DYM: variants seen among roughly 807,000 people sequenced by gnomAD.
DYM encodes the protein dymeclin.
Under a neutral mutation model 93.1 loss-of-function variants are expected in DYM, and 78 were observed. The observed-to-expected ratio is 0.84, with a 90% CI of 0.70 to 1.01. The LOEUF is 1.01. DYM is among the 50% of genes least tolerant of loss of function. DYM has a pLI of 0.00. For missense variants in DYM, 789 were observed against 845.0 expected (o/e 0.93, Z 0.82); for synonymous variants, 321 against 319.7 (o/e 1.00, Z -0.04).
intron 15 of DYM, among the ~76,000 whole-genome samples, chr18:49,128,211 A>T (rs141274706): frequency 6.6e-6 from 1 of 152,358 alleles, no homozygotes; most frequent in Non-Finnish European, 1.5e-5. Flanking sequence ...TTATGTTAGC[A>T]GGCCACTTGC....
At chr18:49,229,451 A>T (rs2093635085) in intron 13 of DYM, among the ~76,000 whole-genome samples, 1 of 152,172 alleles carries the variant, frequency 6.6e-6, no homozygotes, top group Admixed American at 6.5e-5. Context: ...ACCCAATATT[A>T]AAAAGGATAA....
intron 15 of DYM, among the ~76,000 whole-genome samples, chr18:49,140,020 C>T (rs1221326769): frequency 6.6e-6 from 1 of 152,108 alleles, no homozygotes; most frequent in East Asian, 1.9e-4. Flanking sequence ...TCTGTACTTA[C>T]GCCCACAGGC....
chr18:49,062,842 T>C (rs991261863), intron 17 of DYM, among the ~76,000 whole-genome samples: 1 of 152,234 alleles, frequency 6.6e-6, no homozygotes, highest in Non-Finnish European at 1.5e-5. Flanking sequence ...TTCTTCCTCA[T>C]CCTGTTTCCT....
intron 14 of DYM, among the ~76,000 whole-genome samples, chr18:49,205,103 G>A (rs1365616265): frequency 6.6e-6 from 1 of 152,140 alleles, no homozygotes; most frequent in Non-Finnish European, 1.5e-5. Context: ...TGGGACTACA[G>A]GCATGTACCA....
At chr18:49,214,609 G>T (rs1244792664) in intron 13 of DYM, among the ~76,000 whole-genome samples, 1 of 151,914 alleles carries the variant, frequency 6.6e-6, no homozygotes, top group Admixed American at 6.6e-5. Context: ...TATGATAAAG[G>T]TGGAAGAGGG....
At chr18:49,332,902 GGTCATTCTGAGT>G (rs1435906457) in intron 7 of DYM, among the ~76,000 whole-genome samples, 2 of 152,086 alleles carry the variant, frequency 1.3e-5, no homozygotes, top group East Asian at 1.9e-4. Context: ...TTCAAACCAC[GGTCATTCTGAGT>G]GTCATTCTGA....
intron 15 of DYM, among the ~76,000 whole-genome samples, chr18:49,147,414 A>G (rs2144635516): frequency 6.6e-6 from 1 of 152,294 alleles, no homozygotes; most frequent in South Asian, 2.1e-4. Context: ...CAGGCAACCT[A>G]GAGAATGGGA....
At chr18:49,407,754 G>A (rs1222762973) in intron 2 of DYM, among the ~76,000 whole-genome samples, 2 of 152,044 alleles carry the variant, frequency 1.3e-5, no homozygotes, top group African/African-American at 2.4e-5. Flanking sequence ...TATCCAAACC[G>A]TATCACTGAC....
chr18:49,142,311 A>G (rs1345978043), intron 15 of DYM, among the ~76,000 whole-genome samples: 4 of 152,116 alleles, frequency 2.6e-5, no homozygotes, highest in Non-Finnish European at 5.9e-5. Flanking sequence ...TAGAATTGAA[A>G]CTCAAAAGGA....
chr18:49,263,584 ACC>A (rs2094523307), intron 11 of DYM, among the ~76,000 whole-genome samples: 2 of 151,732 alleles, frequency 1.3e-5, no homozygotes, highest in South Asian at 4.2e-4. Flanking sequence ...AAAAAAACTA[ACC>A]AGGCTTGGTG....
intron 13 of DYM, among the ~76,000 whole-genome samples, chr18:49,240,536 T>C (rs530401594): frequency 3.9e-5 from 6 of 152,222 alleles, no homozygotes; most frequent in Non-Finnish European, 7.3e-5. Context: ...TTAAAATCCA[T>C]ATTTACTAAC....
rs527793518 is a variant in DYM at position 49,382,389 on chromosome 18, T to C, written c.194-2631A>G. ...ATACTCTTTTGGATAAGATGAAGAT[T>C]AGGGCAATAAGTTAATAAAATTAAA... is the stretch of plus-strand genomic sequence containing the variant. On this transcript the variant is annotated intron_variant, in intron 3 of 17. Transcript: ENST00000675505. Among the ~76,000 whole-genome samples, 4 of 152,308 alleles carry C rather than the reference T, an allele frequency of 2.6e-5. No individual in the cohort carries two copies. In the South Asian group the frequency reaches 8.3e-4, roughly 32 times the overall value.
chr18:49,056,926 A>C (rs1379123470), intron 17 of DYM, among the ~76,000 whole-genome samples: 3 of 152,204 alleles, frequency 2.0e-5, no homozygotes, highest in Admixed American at 1.3e-4. Context: ...TCTGGGGCTC[A>C]AGAGATCTGT....
intron 15 of DYM, among the ~76,000 whole-genome samples, chr18:49,154,464 A>G (rs1915633018): frequency 6.6e-6 from 1 of 152,048 alleles, no homozygotes; most frequent in South Asian, 2.1e-4. Context: ...GCGCAATCTC[A>G]GCTCACTGCA....
At chr18:49,280,595 G>C (rs536059540) in intron 10 of DYM, among the ~76,000 whole-genome samples, 82 of 152,298 alleles carry the variant, frequency 5.4e-4, no homozygotes, top group African/African-American at 1.9e-3. Flanking sequence ...TATAAGGACA[G>C]GGAGGGATGC....
intron 6 of DYM, among the ~76,000 whole-genome samples, chr18:49,346,677 A>G (rs72912519): frequency 2.1e-3 from 317 of 152,350 alleles, no homozygotes; most frequent in Non-Finnish European, 3.7e-3. Flanking sequence ...TAAAAAATAA[A>G]AATGAGAAAG....
chr18:49,232,858 C>G (rs574379102), intron 13 of DYM, among the ~76,000 whole-genome samples: 3 of 151,950 alleles, frequency 2.0e-5, no homozygotes, highest in Admixed American at 2.0e-4. Flanking sequence ...ATCCGCCCAC[C>G]TCAGCCTCCC....
intron 17 of DYM, among the ~76,000 whole-genome samples, chr18:49,073,941 C>T (rs933943061): frequency 1.3e-5 from 2 of 152,050 alleles, no homozygotes; most frequent in African/African-American, 4.8e-5. Context: ...GTGTTACACT[C>T]GCTTTATTAA....
At chr18:49,094,016 G>T (rs770914337) in intron 17 of DYM, among the ~76,000 whole-genome samples, 1 of 152,202 alleles carries the variant, frequency 6.6e-6, no homozygotes, top group Non-Finnish European at 1.5e-5. Context: ...TTGAGTAAAT[G>T]AAGTTTGGTT....
Sources: allele counts gnomAD v4.1 joint callset (sites outside exome capture counted in the v4.1 genomes callset), GRCh38; gene constraint gnomAD v4.1.1; transcripts MANE v1.5; gene names NCBI Gene and HGNC (gene_info 2026-07-23, HGNC 2026-07-21).